TOX: variants seen among roughly 807,000 people sequenced by gnomAD.
TOX encodes thymocyte selection associated high mobility group box, also known as thymocyte selection-associated high mobility group box protein TOX.
A neutral mutation model predicts 53.7 loss-of-function variants in TOX; 11 were observed. The observed-to-expected ratio is 0.20, with a 90% confidence interval of 0.13 to 0.34. The LOEUF (loss-of-function observed/expected upper bound fraction) is 0.34. Ranked by LOEUF, TOX falls within the 10% of genes least tolerant of loss-of-function variation. TOX has a pLI of 1.00. For synonymous variants in TOX, 225 were observed against 245.3 expected (o/e 0.92, Z 0.77); for missense variants, 570 against 664.6 (o/e 0.86, Z 1.56).
chr8:59,006,934 G>T (rs1041922142), intron 1 of TOX, among the ~76,000 whole-genome samples: 1 of 152,204 alleles, frequency 6.6e-6, no homozygotes, highest in Admixed American at 6.5e-5. Flanking sequence ...AGAATGGAAA[G>T]ATTTCCTTCT....
intron 1 of TOX, among the ~76,000 whole-genome samples, chr8:58,971,006 T>C (rs1484334282): frequency 6.6e-6 from 1 of 152,222 alleles, no homozygotes; most frequent in Admixed American, 6.5e-5. Context: ...TCAGTCACTC[T>C]AGTTTAAATA....
chr8:59,109,595 G>C (rs1405145860), intron 1 of TOX, among the ~76,000 whole-genome samples: 3 of 152,076 alleles, frequency 2.0e-5, no homozygotes, highest in Non-Finnish European at 4.4e-5. Flanking sequence ...AGCCATCAGG[G>C]GAGTGAGGTA....
chr8:59,078,820 T>C (rs1804339744), intron 1 of TOX, among the ~76,000 whole-genome samples: 2 of 152,190 alleles, frequency 1.3e-5, no homozygotes, highest in African/African-American at 4.8e-5. Flanking sequence ...AGTGTATAAC[T>C]TCTTAAAGAT....
intron 5 of TOX, among the ~76,000 whole-genome samples, chr8:58,827,814 C>T (rs915242568): frequency 6.6e-6 from 1 of 152,198 alleles, no homozygotes. Flanking sequence ...ACACACATGG[C>T]TCTCTGCTAC....
intron 3 of TOX, 56 bp downstream of exon 3, chr8:58,939,246 C>T: frequency 6.3e-7 from 1 of 1,598,874 alleles, no homozygotes; most frequent in African/African-American, 1.3e-5. Context: ...TGAACTTGGT[C>T]CTTGTCCTTA....
At chr8:58,905,277 T>C (rs1458160537) in intron 3 of TOX, among the ~76,000 whole-genome samples, 1 of 152,184 alleles carries the variant, frequency 6.6e-6, no homozygotes, top group Non-Finnish European at 1.5e-5. Flanking sequence ...CCTTGAATAA[T>C]ATGAAATTAA....
intron 3 of TOX, among the ~76,000 whole-genome samples, chr8:58,898,718 T>C (rs971887138): frequency 3.9e-5 from 6 of 152,170 alleles, no homozygotes; most frequent in Non-Finnish European, 7.3e-5. Flanking sequence ...GAGAGTTGCA[T>C]GCTTCCTTTG....
At chr8:59,017,705 G>T (rs10504277) in intron 1 of TOX, among the ~76,000 whole-genome samples, 27,561 of 152,090 alleles carry the variant, frequency 0.18, 2,753 homozygotes, top group Non-Finnish European at 0.22. Context: ...GTTTTTAACT[G>T]CAATTCACCA....
intron 1 of TOX, chr8:58,992,039 A>T (rs1419849380): frequency 6.6e-6 from 1 of 152,254 alleles, no homozygotes; most frequent in Non-Finnish European, 1.5e-5. Flanking sequence ...GCGCAAAGAT[A>T]AAATGAAAAG....
At chr8:59,021,780 T>C (rs568108190) in intron 1 of TOX, among the ~76,000 whole-genome samples, 71 of 152,224 alleles carry the variant, frequency 4.7e-4, no homozygotes, top group African/African-American at 1.6e-3. Flanking sequence ...ATCAAAATCA[T>C]GATTGAAATT....
At chr8:58,897,329 AT>A (rs966281179) in intron 3 of TOX, among the ~76,000 whole-genome samples, 7 of 152,184 alleles carry the variant, frequency 4.6e-5, no homozygotes, top group Admixed American at 2.6e-4. Flanking sequence ...GAATTTAATA[AT>A]TTGGATGTAG....
chr8:59,042,830 A>T (rs1255467188), intron 1 of TOX, among the ~76,000 whole-genome samples: 1 of 152,196 alleles, frequency 6.6e-6, no homozygotes, highest in African/African-American at 2.4e-5. Flanking sequence ...GTAAATTAGT[A>T]ATTTATAATT....
chr8:59,057,290 T>A (rs1187298036), intron 1 of TOX, among the ~76,000 whole-genome samples: 2 of 151,852 alleles, frequency 1.3e-5, no homozygotes, highest in African/African-American at 4.8e-5. Context: ...GAAAAAAAAA[T>A]CACATACAAA....
At chr8:59,005,040 T>C (rs1813761849) in intron 1 of TOX, among the ~76,000 whole-genome samples, 1 of 55,916 alleles carries the variant, frequency 1.8e-5, no homozygotes, top group Non-Finnish European at 3.9e-5. Context: ...GAAAATATCA[T>C]TTTCTTTTTT....
intron 1 of TOX, among the ~76,000 whole-genome samples, chr8:59,028,808 A>G (rs1279318025): frequency 6.6e-6 from 1 of 152,210 alleles, no homozygotes; most frequent in Non-Finnish European, 1.5e-5. Flanking sequence ...AAGTTACATT[A>G]AAAAGACAAT....
chr8:58,920,570 G>T (rs1173967471), intron 3 of TOX, among the ~76,000 whole-genome samples: 4 of 68,164 alleles, frequency 5.9e-5, no homozygotes, highest in East Asian at 4.8e-4. Context: ...GGTCGGGGGA[G>T]GGGGGAGGGA....
chr8:58,947,593 C>T (rs1309650885), intron 2 of TOX, among the ~76,000 whole-genome samples: 1 of 152,050 alleles, frequency 6.6e-6, no homozygotes, highest in African/African-American at 2.4e-5. Flanking sequence ...CAATAAAAAT[C>T]TCTCTATACT....
chr8:58,892,144 C>T (rs758390558), intron 3 of TOX, among the ~76,000 whole-genome samples: 1 of 152,146 alleles, frequency 6.6e-6, no homozygotes, highest in South Asian at 2.1e-4. Context: ...ATAATTGCTC[C>T]ACTTTCTACA....
At chr8:58,866,616 C>G (rs1198881190) in intron 3 of TOX, among the ~76,000 whole-genome samples, 1 of 152,158 alleles carries the variant, frequency 6.6e-6, no homozygotes, top group Non-Finnish European at 1.5e-5. Flanking sequence ...TGTTAATTGG[C>G]AGAATGGCCA....
Sources: gnomAD v4.1 joint callset for allele counts (sites outside exome capture counted in the v4.1 genomes callset) on GRCh38, gnomAD v4.1.1 for gene constraint, MANE v1.5 for transcripts, NCBI Gene and HGNC (gene_info 2026-07-23, HGNC 2026-07-21) for gene names.